RANBP2: variants seen among roughly 807,000 people sequenced by gnomAD.
The protein encoded by RANBP2 is E3 SUMO-protein ligase RanBP2.
A neutral mutation model predicts 303.6 loss-of-function variants in RANBP2; 57 were observed. That is an observed-to-expected ratio of 0.19 (90% CI 0.15 to 0.23). The LOEUF is 0.23. Among genes scored for constraint, RANBP2 ranks in the 10% least tolerant of loss-of-function variants. The pLI, the probability that RANBP2 is intolerant of heterozygous loss-of-function variation, is 1.00. For missense variants in RANBP2, 3,138 were observed against 3,780.8 expected, an observed-to-expected ratio of 0.83 and a Z score of 4.46; for synonymous variants, 1,167 against 1,301.5, an observed-to-expected ratio of 0.90 and a Z score of 2.23.
the RANBP2 span, among the ~76,000 whole-genome samples, chr2:109,611,245 A>T: frequency 6.6e-6 from 1 of 152,224 alleles, no homozygotes; most frequent in African/African-American, 2.4e-5. Context: ...GGAAAAAAAT[A>T]AGAGAAAATC....
At chr2:108,895,971 A>C in the RANBP2 span, 3 of 152,368 alleles carry the variant, frequency 2.0e-5, no homozygotes, top group Middle Eastern at 0.01. Context: ...ACATGTTTGA[A>C]GTGAAAACAC....
At chr2:109,577,610 A>T in the RANBP2 span, among the ~76,000 whole-genome samples, 1 of 151,022 alleles carries the variant, frequency 6.6e-6, no homozygotes, top group East Asian at 2.0e-4. Flanking sequence ...AAAAAAAAAA[A>T]AAGAAAAAGA....
the RANBP2 span, among the ~76,000 whole-genome samples, chr2:109,122,036 G>A: frequency 2.6e-5 from 4 of 152,202 alleles, no homozygotes; most frequent in African/African-American, 7.2e-5. Context: ...TACTCAAGGA[G>A]CTCAGGTTCA....
At chr2:108,803,432 T>TA in the RANBP2 span, among the ~76,000 whole-genome samples, 57 of 152,052 alleles carry the variant, frequency 3.7e-4, no homozygotes, top group Admixed American at 5.9e-4. Flanking sequence ...TAGTGGAAAT[T>TA]AAAAAAAAAT....
the RANBP2 span, among the ~76,000 whole-genome samples, chr2:108,919,735 G>C: frequency 6.6e-6 from 1 of 152,172 alleles, no homozygotes; most frequent in Non-Finnish European, 1.5e-5. Context: ...TTGAACTGTA[G>C]CCGGGCCAGA....
chr2:108,788,952 C>T (rs369058012), downstream of RANBP2: 24 of 1,613,910 alleles, frequency 1.5e-5, no homozygotes, highest in Admixed American at 1.5e-4. Flanking sequence ...TATTCAAGCA[C>T]GTAAATGTGA....
intron 1 of RANBP2, among the ~76,000 whole-genome samples, chr2:108,721,327 G>T (rs1248526890): frequency 6.6e-6 from 1 of 152,152 alleles, no homozygotes; most frequent in African/African-American, 2.4e-5. Flanking sequence ...ATATCTACTT[G>T]TACATTGTAA....
chr2:109,774,531 T>A, the RANBP2 span, among the ~76,000 whole-genome samples: 3 of 88,316 alleles, frequency 3.4e-5, no homozygotes, highest in African/African-American at 1.4e-4. Context: ...ATTATATATA[T>A]TATATATAAA....
chr2:108,839,306 T>C, the RANBP2 span: 20 of 1,606,708 alleles, frequency 1.2e-5, no homozygotes, highest in South Asian at 5.6e-5. Context: ...GCACAGGTAA[T>C]TGGTTAATAG....
chr2:109,574,741 T>C, the RANBP2 span: 7 of 1,594,780 alleles, frequency 4.4e-6, no homozygotes, highest in African/African-American at 6.8e-5. Flanking sequence ...AAACTGAGCA[T>C]CTATGTAGTC....
chr2:109,099,376 G>A, the RANBP2 span, among the ~76,000 whole-genome samples: 3 of 152,126 alleles, frequency 2.0e-5, no homozygotes, highest in Non-Finnish European at 1.5e-5. Flanking sequence ...AGTCCACTTC[G>A]GGTCGGTGGT....
the RANBP2 span, among the ~76,000 whole-genome samples, chr2:109,718,245 T>C: frequency 5.3e-5 from 8 of 152,158 alleles, no homozygotes; most frequent in African/African-American, 1.9e-4. Flanking sequence ...TAAAAGCATA[T>C]GACCACCTAA....
chr2:109,160,796 G>A, the RANBP2 span, among the ~76,000 whole-genome samples: 77 of 152,310 alleles, frequency 5.1e-4, no homozygotes, highest in Middle Eastern at 3.4e-3. Flanking sequence ...GGGCTGAGGC[G>A]TGATGCTGGA....
At chr2:109,037,946 A>G in the RANBP2 span, among the ~76,000 whole-genome samples, 1 of 152,216 alleles carries the variant, frequency 6.6e-6, no homozygotes, top group Admixed American at 6.5e-5. Context: ...GACATAGACA[A>G]TCTTATCCCA....
chr2:109,537,067 C>T, the RANBP2 span, among the ~76,000 whole-genome samples: 1 of 152,228 alleles, frequency 6.6e-6, no homozygotes, highest in African/African-American at 2.4e-5. Flanking sequence ...GCACTGGCTA[C>T]AACTTCCAGT....
At chr2:109,451,269 TC>T in the RANBP2 span, among the ~76,000 whole-genome samples, 1 of 152,218 alleles carries the variant, frequency 6.6e-6, no homozygotes, top group African/African-American at 2.4e-5. Context: ...TTGAATCTGT[TC>T]CCTTCTACCC....
At chr2:109,438,623 A>C in the RANBP2 span, among the ~76,000 whole-genome samples, 4 of 152,194 alleles carry the variant, frequency 2.6e-5, no homozygotes, top group Non-Finnish European at 5.9e-5. Flanking sequence ...CCTGGGAAAG[A>C]ATCTGCAGCA....
At chr2:108,871,655 A>G in the RANBP2 span, among the ~76,000 whole-genome samples, 2 of 152,184 alleles carry the variant, frequency 1.3e-5, no homozygotes, top group African/African-American at 4.8e-5. Context: ...CATAAAATTT[A>G]CCATTTTAAC....
At chr2:108,986,356 C>T in the RANBP2 span, among the ~76,000 whole-genome samples, 31 of 152,128 alleles carry the variant, frequency 2.0e-4, no homozygotes, top group Non-Finnish European at 2.6e-4. Flanking sequence ...GGGGCTGACA[C>T]GACCCTGGGA....
Sources: gnomAD v4.1 joint callset for allele counts (sites outside exome capture counted in the v4.1 genomes callset) on GRCh38, gnomAD v4.1.1 for gene constraint, MANE v1.5 for transcripts, NCBI Gene and HGNC (gene_info 2026-07-23, HGNC 2026-07-21) for gene names.